RAB4A: variants seen among roughly 807,000 people sequenced by gnomAD.
The protein encoded by RAB4A is RAB4A, member RAS oncogene family, also known as ras-related protein Rab-4A.
A neutral mutation model predicts 34.5 loss-of-function variants in RAB4A; 20 were observed. That is an observed-to-expected ratio of 0.58 (90% CI 0.41 to 0.84). RAB4A has a LOEUF of 0.84. Ranked by LOEUF, RAB4A falls within the 40% of genes least tolerant of loss-of-function variation. RAB4A has a pLI of 0.00. For missense variants in RAB4A, 228 were observed against 274.5 expected (o/e 0.83, Z 1.20); for synonymous variants, 102 against 100.0 (o/e 1.02, Z -0.12).
chr1:229,288,037 A>G (rs1270091421), intron 2 of RAB4A, among the ~76,000 whole-genome samples: 1 of 152,166 alleles, frequency 6.6e-6, no homozygotes, highest in Non-Finnish European at 1.5e-5. Flanking sequence ...TTTCTCCAAC[A>G]AATTCATCCC....
intron 3 of RAB4A, among the ~76,000 whole-genome samples, chr1:229,290,193 A>T (rs1432097680): frequency 6.6e-6 from 1 of 152,220 alleles, no homozygotes; most frequent in African/African-American, 2.4e-5. Context: ...GGTAGAGGTT[A>T]CAGAGGTTCA....
Position 229,305,444 on chromosome 1 carries a change from AC to A in RAB4A, c.*1653del. On this transcript the variant is annotated 3_prime_UTR_variant, in exon 8 of 8. Transcript: ENST00000366690. ...TTTTATAAACGATCCTGTTAATTAA[AC>A]CACAGACACCATATATCCTTCTGCA... 1 of 671,894 alleles carries A rather than the reference AC, an allele frequency of 1.5e-6. No individual in the cohort carries two copies. Among genetic ancestry groups the A allele is most frequent in the Non-Finnish European group, 2.4e-6 (1 of 423,458 alleles). 41.6% of individuals were successfully genotyped at this position (671,894 alleles called of 1,614,324 possible).
chr1:229,289,513 A>G (rs1384367562), intron 3 of RAB4A, among the ~76,000 whole-genome samples: 2 of 152,224 alleles, frequency 1.3e-5, no homozygotes, highest in East Asian at 1.9e-4. Context: ...TACATGTCGT[A>G]TATTAAATAA....
Position 229,297,532 on chromosome 1 carries a change from T to C in RAB4A, c.341T>C (p.Leu114Pro), listed in dbSNP as rs752249758. The C allele has an allele frequency of 1.9e-6, 3 of 1,612,150 alleles. No individual in the cohort carries two copies. The highest frequency in any genetic ancestry group is 2.7e-5 in the African/African-American group (2 of 74,882). Residue 114 changes from leucine (L) to proline (P), a missense_variant, in exon 5 of 8, where the codon CTA (leucine) becomes CCA (proline). Leu to Pro is a moderately conservative substitution (Grantham distance 98, BLOSUM62 -3). Coordinates refer to ENST00000366690, the MANE Select transcript of RAB4A (RefSeq NM_004578.4). ...LTNWLTDARM[L>P]ASQNIVIILC... ...AATTGGTTAACAGATGCCCGAATGCTAGCGAGCCAGAACATTGTGATCATC... is the reference window on the plus strand; with the variant it reads ...AATTGGTTAACAGATGCCCGAATGCCAGCGAGCCAGAACATTGTGATCATC...
At position 229,305,324 on chromosome 1, in the gene RAB4A, T is replaced by G; in HGVS notation, c.*1531T>G. On this transcript the variant is annotated 3_prime_UTR_variant, in exon 8 of 8. Coordinates refer to ENST00000366690, the MANE Select transcript of RAB4A (RefSeq NM_004578.4). ...GATAGATTTGCAAGCTGCTCATTTT[T>G]GAACAGCTTTTTGCATGGGATAGGA... 1 of 1,573,228 alleles carries G rather than the reference T, an allele frequency of 6.4e-7. No homozygotes were observed. Among genetic ancestry groups the G allele is most frequent in the Non-Finnish European group, 8.6e-7 (1 of 1,162,818 alleles).
At chr1:229,295,582 C>T (rs1657230793) in intron 3 of RAB4A, among the ~76,000 whole-genome samples, 1 of 152,148 alleles carries the variant, frequency 6.6e-6, no homozygotes, top group Non-Finnish European at 1.5e-5. Flanking sequence ...GCAGACAGCT[C>T]ACCCTGCTAG....
intron 1 of RAB4A, among the ~76,000 whole-genome samples, chr1:229,277,687 A>C (rs1656684550): frequency 6.6e-6 from 1 of 151,228 alleles, no homozygotes; most frequent in Non-Finnish European, 1.5e-5. Context: ...AGGTCAATCA[A>C]CAACTCCGCT....
intron 7 of RAB4A, among the ~76,000 whole-genome samples, chr1:229,303,416 A>C (rs1225092706): frequency 3.9e-5 from 6 of 151,952 alleles, no homozygotes; most frequent in Non-Finnish European, 8.8e-5. Context: ...GTTCTAACTG[A>C]AAGAATTTAT....
At chr1:229,280,066 AAAAC>A (rs1318937291) in intron 1 of RAB4A, among the ~76,000 whole-genome samples, 2 of 152,236 alleles carry the variant, frequency 1.3e-5, no homozygotes, top group African/African-American at 4.8e-5. Flanking sequence ...CTTAACATAT[AAAAC>A]ATACACATGG....
intron 1 of RAB4A, among the ~76,000 whole-genome samples, chr1:229,275,714 G>A (rs967611664): frequency 6.0e-5 from 9 of 148,934 alleles, no homozygotes; most frequent in African/African-American, 2.0e-4. Context: ...TCCACCTCCC[G>A]GGTTCAAGCG....
intron 1 of RAB4A, among the ~76,000 whole-genome samples, chr1:229,283,152 C>G (rs1656819627): frequency 6.6e-6 from 1 of 152,220 alleles, no homozygotes; most frequent in Non-Finnish European, 1.5e-5. Flanking sequence ...TCCCCACTTG[C>G]TTCCATTGAC....
At chr1:229,302,158 G>A (rs563979443) in intron 6 of RAB4A, among the ~76,000 whole-genome samples, 7 of 148,774 alleles carry the variant, frequency 4.7e-5, no homozygotes, top group Non-Finnish European at 7.4e-5. Flanking sequence ...GATAAGGACC[G>A]CTCAACCTAT....
At chr1:229,282,588 T>A (rs1431579483) in intron 1 of RAB4A, among the ~76,000 whole-genome samples, 1 of 152,204 alleles carries the variant, frequency 6.6e-6, no homozygotes, top group African/African-American at 2.4e-5. Flanking sequence ...TCTTTTTCAT[T>A]GTCTGCAGGT....
At chr1:229,302,303 A>ATTTT (rs1657427596) in intron 6 of RAB4A, among the ~76,000 whole-genome samples, 1 of 39,702 alleles carries the variant, frequency 2.5e-5, no homozygotes, top group African/African-American at 8.3e-5. Flanking sequence ...ATATATATAT[A>ATTTT]TATATATTTT....
intron 7 of RAB4A, among the ~76,000 whole-genome samples, chr1:229,303,193 A>G (rs1657463382): frequency 2.0e-5 from 3 of 152,142 alleles, no homozygotes; most frequent in South Asian, 2.1e-4. Context: ...GTGAAACATC[A>G]TCTCTACAAA....
intron 3 of RAB4A, among the ~76,000 whole-genome samples, chr1:229,290,533 C>T (rs570546276): frequency 1.3e-5 from 2 of 152,340 alleles, no homozygotes; most frequent in East Asian, 3.9e-4. Context: ...CCAAGCCCAC[C>T]TGCTCCACCC....
intron 3 of RAB4A, among the ~76,000 whole-genome samples, chr1:229,292,676 C>T (rs1052356991): frequency 3.3e-5 from 5 of 152,188 alleles, no homozygotes; most frequent in African/African-American, 7.2e-5. Flanking sequence ...TTAAAAGTAG[C>T]TCTTCTTTGC....
chr1:229,276,288 G>A (rs1198657364), intron 1 of RAB4A, among the ~76,000 whole-genome samples: 54 of 151,278 alleles, frequency 3.6e-4, no homozygotes, highest in Non-Finnish European at 2.2e-4. Context: ...ACCAGCTCCC[G>A]GGCCGTGCAG....
In RAB4A at chr1:229,295,945, C is replaced by T. The variant is rs369391950; in HGVS notation, c.290+35C>T. ...GCTCCCCCTGGTGAAGGAGGGTGCT[C>T]AGTGCCCTGCAGCCCAAAGGCTGGT... On this transcript the variant is annotated intron_variant, in intron 4 of 7. Transcript: ENST00000366690. The T allele has an allele frequency of 6.9e-6, 11 of 1,604,492 alleles. No homozygotes were observed. In the African/African-American group the frequency reaches 8.0e-5, roughly 12 times the overall value.
Sources: allele counts gnomAD v4.1 joint callset (sites outside exome capture counted in the v4.1 genomes callset), GRCh38; gene constraint gnomAD v4.1.1; transcripts MANE v1.5; gene names NCBI Gene and HGNC (gene_info 2026-07-23, HGNC 2026-07-21).